The following ZFAT variants were observed in gnomAD, a reference collection of about 807,000 sequenced individuals.
ZFAT encodes the protein zinc finger and AT-hook domain containing, also known as zinc finger protein ZFAT.
ZFAT carries 64 observed loss-of-function variants against 117.7 expected under a neutral mutation model. That is an observed-to-expected ratio of 0.54 (90% CI 0.44 to 0.67). ZFAT has a LOEUF of 0.67. ZFAT is among the 30% of genes least tolerant of loss of function. ZFAT has a pLI of 0.00. For synonymous variants in ZFAT, 679 were observed against 615.0 expected (o/e 1.10, Z -1.54); for missense variants, 1,433 against 1,584.5 (o/e 0.90, Z 1.62).
chr8:134,761,343 G>A, the ZFAT span, among the ~76,000 whole-genome samples: 2 of 151,998 alleles, frequency 1.3e-5, no homozygotes, highest in Non-Finnish European at 2.9e-5. Context: ...TTATGACAGT[G>A]GAAGAATGAG....
At chr8:134,662,928 G>A (rs181400257) in intron 1 of ZFAT, among the ~76,000 whole-genome samples, 121 of 152,312 alleles carry the variant, frequency 7.9e-4, no homozygotes, top group African/African-American at 2.8e-3. Flanking sequence ...TCTGGTTTTC[G>A]GGACCAGCCC....
At chr8:134,803,458 C>T in the ZFAT span, among the ~76,000 whole-genome samples, 1 of 152,128 alleles carries the variant, frequency 6.6e-6, no homozygotes, top group Admixed American at 6.5e-5. Context: ...AATAAATCTG[C>T]TTTATTTAGA....
the ZFAT span, among the ~76,000 whole-genome samples, chr8:134,814,889 TTC>T: frequency 2.6e-5 from 4 of 152,200 alleles, no homozygotes; most frequent in Non-Finnish European, 4.4e-5. Context: ...TGTCACTATC[TTC>T]TCTCATTCCA....
At chr8:134,565,649 AC>A (rs1824400624) in intron 10 of ZFAT, 1 of 638,378 alleles carries the variant, frequency 1.6e-6, no homozygotes. Flanking sequence ...AGCCAGCTCC[AC>A]CTGGGGAGGC....
the ZFAT span, among the ~76,000 whole-genome samples, chr8:134,735,187 G>A: frequency 6.6e-6 from 1 of 152,146 alleles, no homozygotes; most frequent in Non-Finnish European, 1.5e-5. Context: ...GGATTTGGGG[G>A]ATATAAAAAC....
intron 15 of ZFAT, among the ~76,000 whole-genome samples, chr8:134,489,297 C>A (rs6999094): frequency 0.31 from 47,116 of 151,676 alleles, 7,737 homozygotes; most frequent in East Asian, 0.45. Flanking sequence ...GTGATGGGGG[C>A]CAGCAGAGGA....
At chr8:134,752,319 A>C in the ZFAT span, among the ~76,000 whole-genome samples, 7 of 152,264 alleles carry the variant, frequency 4.6e-5, no homozygotes, top group Middle Eastern at 6.8e-3. Context: ...AAAAGGCCCT[A>C]CATGTGCCAG....
the ZFAT span, among the ~76,000 whole-genome samples, chr8:134,777,602 T>C: frequency 6.6e-6 from 1 of 152,232 alleles, no homozygotes; most frequent in Non-Finnish European, 1.5e-5. Flanking sequence ...CTGGACATAG[T>C]AGATGCTATT....
chr8:134,485,561 C>T (rs2130063759), intron 15 of ZFAT, among the ~76,000 whole-genome samples: 1 of 152,298 alleles, frequency 6.6e-6, no homozygotes, highest in Non-Finnish European at 1.5e-5. Flanking sequence ...GGGGAGGTGT[C>T]TTGCCAAACA....
At chr8:134,623,348 T>C (rs1315639960) in intron 3 of ZFAT, among the ~76,000 whole-genome samples, 1 of 152,212 alleles carries the variant, frequency 6.6e-6, no homozygotes, top group African/African-American at 2.4e-5. Flanking sequence ...CTTGGTGGTT[T>C]ATCCTTCTGC....
intron 11 of ZFAT, among the ~76,000 whole-genome samples, chr8:134,538,830 G>A (rs1423158264): frequency 2.0e-5 from 3 of 148,562 alleles, no homozygotes; most frequent in Non-Finnish European, 3.0e-5. Context: ...AGATTAAAAA[G>A]ACGTACATTG....
chr8:134,808,538 T>C, the ZFAT span, among the ~76,000 whole-genome samples: 1 of 152,178 alleles, frequency 6.6e-6, no homozygotes, highest in Admixed American at 6.5e-5. Context: ...CCCAGCACAA[T>C]GAAGTCTGTA....
the ZFAT span, among the ~76,000 whole-genome samples, chr8:134,788,332 C>A: frequency 6.6e-5 from 10 of 152,136 alleles, no homozygotes; most frequent in African/African-American, 2.4e-4. Flanking sequence ...ATATTATTCA[C>A]TTGAAAATAT....
At position 134,602,172 on chromosome 8, in the gene ZFAT, A is replaced by G; in HGVS notation, c.1547T>C (p.Leu516Pro). The G allele has an allele frequency of 1.2e-6, 2 of 1,613,432 alleles. No individual in the cohort carries two copies. Among genetic ancestry groups the G allele is most frequent in the Non-Finnish European group, 8.5e-7 (1 of 1,179,978 alleles). ...GGCAAACTCCTCTTCCACCAGCTGT[A>G]GCTGGTCCCCCAGAGCTTCTTGCTG... Reference protein sequence around the residue: ...DIQQEALGDQLQLVEEEFALQ... With the variant: ...DIQQEALGDQPQLVEEEFALQ... Residue 516 changes from leucine (L) to proline (P), a missense_variant, in exon 6 of 16, where the codon CTA (leucine) becomes CCA (proline). Physicochemically the swap from Leu to Pro is moderately conservative, Grantham distance 98. Transcript: ENST00000377838.
chr8:134,578,241 C>T (rs1825455737), intron 10 of ZFAT, among the ~76,000 whole-genome samples: 1 of 151,860 alleles, frequency 6.6e-6, no homozygotes. Flanking sequence ...GGTGAAACCC[C>T]ATCTCTACTA....
intron 3 of ZFAT, among the ~76,000 whole-genome samples, chr8:134,632,259 T>A (rs549121256): frequency 6.6e-6 from 1 of 152,346 alleles, no homozygotes; most frequent in Non-Finnish European, 1.5e-5. Flanking sequence ...TCCTTATGAC[T>A]TTCTTAGTAA....
chr8:134,742,230 A>G, the ZFAT span, among the ~76,000 whole-genome samples: 1 of 150,950 alleles, frequency 6.6e-6, no homozygotes. Flanking sequence ...TTTGTTACTT[A>G]AGTATATATG....
At chr8:134,540,918 G>A (rs879892100) in intron 11 of ZFAT, among the ~76,000 whole-genome samples, 1 of 152,136 alleles carries the variant, frequency 6.6e-6, no homozygotes, top group Non-Finnish European at 1.5e-5. Context: ...CTGTAGTTTG[G>A]GGTCATTTTT....
chr8:134,478,544 C>T lies in ZFAT; in HGVS notation c.3670G>A (p.Val1224Met), dbSNP rs369976585. 98 of 1,593,902 alleles carry T rather than the reference C, an allele frequency of 6.1e-5. No homozygotes were observed. In the South Asian group the frequency reaches 7.7e-4, roughly 12 times the overall value. Residue 1224 changes from valine to methionine, a missense_variant, in exon 16 of 16, where the codon GTG becomes ATG. Transcript: ENST00000377838. The surrounding 1 kb of genome is among the most constrained non-coding windows in gnomAD (Gnocchi z 5.2). The part of the protein sequence containing the change: ...GGEASEFIVY[V>M]QEAMQPVEEQ... ...TCCACAGGCTGCATGGCCTCCTGCA[C>T]GTAGACGATGAACTCCGAGGCCTCC...
Sources: gnomAD v4.1 joint callset for allele counts (sites outside exome capture counted in the v4.1 genomes callset) on GRCh38, gnomAD v4.1.1 for gene constraint, Gnocchi (gnomAD v3.1) non-coding constraint, MANE v1.5 for transcripts, NCBI Gene and HGNC (gene_info 2026-07-23, HGNC 2026-07-21) for gene names.